The following EPHX4 variants were observed in gnomAD, a reference collection of about 807,000 sequenced individuals.
The protein encoded by EPHX4 is epoxide hydrolase 4.
Under a neutral mutation model 44.9 loss-of-function variants are expected in EPHX4, and 31 were observed. The ratio of observed to expected loss-of-function variants is 0.69; its 90% CI spans 0.52 to 0.93. The LOEUF (loss-of-function observed/expected upper bound fraction) is 0.93. EPHX4 is among the 40% of genes least tolerant of loss of function. The probability of loss-of-function intolerance (pLI) is 0.00; values close to 1 mark genes in which losing one functional copy is unlikely to be tolerated. For synonymous variants in EPHX4, 151 were observed against 159.7 expected, an observed-to-expected ratio of 0.95 and a Z score of 0.41; for missense variants, 373 against 438.1, an observed-to-expected ratio of 0.85 and a Z score of 1.33.
intron 6 of EPHX4, among the ~76,000 whole-genome samples, chr1:92,055,410 G>C (rs1056217234): frequency 1.3e-5 from 2 of 152,166 alleles, no homozygotes; most frequent in Non-Finnish European, 2.9e-5. Context: ...TCCAAAGGGA[G>C]TCATGAGATT....
intron 6 of EPHX4, among the ~76,000 whole-genome samples, chr1:92,058,850 G>GTAC (rs1171753221): frequency 6.6e-6 from 1 of 152,162 alleles, no homozygotes; most frequent in East Asian, 1.9e-4. Context: ...TACGTTTGTA[G>GTAC]TACTCTCCAC....
intron 6 of EPHX4, among the ~76,000 whole-genome samples, chr1:92,058,697 T>G (rs1239224421): frequency 6.6e-6 from 1 of 151,958 alleles, no homozygotes; most frequent in Non-Finnish European, 1.5e-5. Flanking sequence ...ATAATAATAA[T>G]AAAACATCAA....
At chr1:92,056,616 A>G (rs1647376378) in intron 6 of EPHX4, among the ~76,000 whole-genome samples, 1 of 151,898 alleles carries the variant, frequency 6.6e-6, no homozygotes, top group Non-Finnish European at 1.5e-5. Flanking sequence ...AACTCTGCAC[A>G]TAACAATTAG....
chr1:92,043,025 T>C, intron 3 of EPHX4, 45 bp downstream of exon 3: 1 of 1,442,110 alleles, frequency 6.9e-7, no homozygotes, highest in Non-Finnish European at 9.5e-7. Flanking sequence ...GGGACAAACA[T>C]TCAACAAATT....
intron 2 of EPHX4, among the ~76,000 whole-genome samples, chr1:92,036,763 C>T (rs918313405): frequency 2.0e-5 from 3 of 152,180 alleles, no homozygotes; most frequent in Admixed American, 2.0e-4. Flanking sequence ...GATCATTAAT[C>T]TGAAAGCTAC....
intron 2 of EPHX4, among the ~76,000 whole-genome samples, chr1:92,041,702 AGATTCCCTG>A: frequency 6.6e-6 from 1 of 152,328 alleles, no homozygotes; most frequent in East Asian, 1.9e-4. Context: ...TTCATAGTAC[AGATTCCCTG>A]GTGGCTATAC....
At chr1:92,045,805 A>G (rs1178067174) in intron 4 of EPHX4, 145 bp downstream of exon 4, 4 of 857,962 alleles carry the variant, frequency 4.7e-6, no homozygotes, top group Non-Finnish European at 7.2e-6. Context: ...TGACAGTGTC[A>G]GATACCTTGG....
In EPHX4 at chr1:92,030,490, G is replaced by GTGTGTGTGTGTGTGTGTGTGTGTGTGTGT. The variant is rs1383490491; in HGVS notation, c.231+180_231+181insTGTGTGTGTGTGTGTGTGTGTGTGTGTGT. Among the ~76,000 whole-genome samples, 218 of 127,724 alleles carry GTGTGTGTGTGTGTGTGTGTGTGTGTGTGT rather than the reference G, an allele frequency of 1.7e-3. 2 individuals carry two copies. Among genetic ancestry groups the GTGTGTGTGTGTGTGTGTGTGTGTGTGTGT allele is most frequent in the African/African-American group, 3.4e-3 (111 of 32,816 alleles). 83.8% of individuals were successfully genotyped at this position (127,724 alleles called of 152,430 possible). A position where few individuals can be genotyped will look rare whatever the true frequency, so the allele number is the denominator to read the frequency against. ...TGTGTGTGTGTGTGTGTGTGTGAGA[G>GTGTGTGTGTGTGTGTGTGTGTGTGTGTGT]AGAGAGAGAGAGAGAGAGATACAGA... is the stretch of plus-strand genomic sequence containing the variant. On this transcript the variant is annotated intron_variant, in intron 1 of 6. Coordinates refer to ENST00000370383, the MANE Select transcript of EPHX4 (RefSeq NM_173567.5).
intron 6 of EPHX4, among the ~76,000 whole-genome samples, chr1:92,058,964 C>A (rs1310849576): frequency 6.6e-6 from 1 of 152,046 alleles, no homozygotes. Context: ...TTGTAAGTTT[C>A]TTTTTCCTTT....
At chr1:92,042,567 T>A (rs550440243) in intron 2 of EPHX4, among the ~76,000 whole-genome samples, 11 of 151,732 alleles carry the variant, frequency 7.2e-5, no homozygotes, top group South Asian at 4.2e-4. Flanking sequence ...CTACAAAAAA[T>A]TTTTTTAATT....
chr1:92,044,410 C>G (rs1688554392), intron 3 of EPHX4, among the ~76,000 whole-genome samples: 1 of 152,086 alleles, frequency 6.6e-6, no homozygotes, highest in Non-Finnish European at 1.5e-5. Context: ...GTGTTTATGT[C>G]TACGTGTGTG....
At chr1:92,034,429 A>G (rs917700274) in intron 2 of EPHX4, among the ~76,000 whole-genome samples, 2 of 152,190 alleles carry the variant, frequency 1.3e-5, no homozygotes, top group Non-Finnish European at 2.9e-5. Context: ...TTAAAAGCCC[A>G]GTTCCCTTAG....
intron 2 of EPHX4, among the ~76,000 whole-genome samples, chr1:92,035,783 C>A (rs1237093736): frequency 6.6e-6 from 1 of 152,098 alleles, no homozygotes; most frequent in East Asian, 1.9e-4. Flanking sequence ...CCCCAACAGG[C>A]TCCAGTGTGT....
chr1:92,039,105 G>A (rs1351577640), intron 2 of EPHX4, among the ~76,000 whole-genome samples: 2 of 152,228 alleles, frequency 1.3e-5, no homozygotes, highest in East Asian at 3.8e-4. Flanking sequence ...TAAAGCAAAT[G>A]ACAGAGTGCA....
intron 6 of EPHX4, among the ~76,000 whole-genome samples, chr1:92,053,848 A>T (rs1218054642): frequency 1.3e-5 from 2 of 152,136 alleles, no homozygotes; most frequent in African/African-American, 2.4e-5. Context: ...TTTGGGTGAT[A>T]CCTTAGATAT....
intron 6 of EPHX4, among the ~76,000 whole-genome samples, chr1:92,056,960 A>G (rs1339408274): frequency 6.6e-6 from 1 of 152,198 alleles, no homozygotes; most frequent in South Asian, 2.1e-4. Flanking sequence ...TGACTTCTGA[A>G]TAACTCTGGG....
At chr1:92,061,425 C>A (rs1647491771) in intron 6 of EPHX4, among the ~76,000 whole-genome samples, 1 of 152,174 alleles carries the variant, frequency 6.6e-6, no homozygotes, top group East Asian at 1.9e-4. Flanking sequence ...GTTCATTTTC[C>A]TTCTTAATCA....
chr1:92,054,268 G>A (rs1296237176), intron 6 of EPHX4, among the ~76,000 whole-genome samples: 1 of 152,114 alleles, frequency 6.6e-6, no homozygotes, highest in Non-Finnish European at 1.5e-5. Context: ...TATTCCCACA[G>A]ATGAAGTCCC....
intron 6 of EPHX4, among the ~76,000 whole-genome samples, chr1:92,058,697 T>A (rs1239224421): frequency 1.3e-5 from 2 of 151,958 alleles, no homozygotes; most frequent in African/African-American, 4.8e-5. Flanking sequence ...ATAATAATAA[T>A]AAAACATCAA....
Sources: gnomAD v4.1 joint callset for allele counts (sites outside exome capture counted in the v4.1 genomes callset) on GRCh38, gnomAD v4.1.1 for gene constraint, MANE v1.5 for transcripts, NCBI Gene and HGNC (gene_info 2026-07-23, HGNC 2026-07-21) for gene names.